Variants in LRRFIP2 observed in about 807,000 individuals in gnomAD.
LRRFIP2 encodes leucine-rich repeat flightless-interacting protein 2.
A neutral mutation model predicts 125.9 loss-of-function variants in LRRFIP2; 109 were observed. The ratio of observed to expected loss-of-function variants is 0.87; its 90% CI spans 0.74 to 1.01. The LOEUF (loss-of-function observed/expected upper bound fraction) is 1.01, where lower values mean the gene tolerates loss of function less well. LRRFIP2 is among the 50% of genes least tolerant of loss of function. The probability of loss-of-function intolerance (pLI) is 0.00; values close to 1 mark genes in which losing one functional copy is unlikely to be tolerated. For missense variants in LRRFIP2, 850 were observed against 862.3 expected (o/e 0.99, Z 0.18); for synonymous variants, 291 against 293.1 (o/e 0.99, Z 0.07).
At chr3:37,063,609 T>C in intron 24 of LRRFIP2, 133 bp downstream of exon 24, 1 of 720,942 alleles carries the variant, frequency 1.4e-6, no homozygotes, top group Non-Finnish European at 2.5e-6. Context: ...ATATGAATTA[T>C]CTATCCTTCA....
intron 21 of LRRFIP2, chr3:37,067,880 A>T (rs2090443472): frequency 6.6e-6 from 1 of 152,182 alleles, no homozygotes; most frequent in Admixed American, 6.6e-5. Context: ...CAAAGCCCTT[A>T]AATAGTTTTT....
intron 2 of LRRFIP2, among the ~76,000 whole-genome samples, chr3:37,139,088 T>C (rs1033830568): frequency 5.3e-5 from 8 of 152,236 alleles, no homozygotes; most frequent in Non-Finnish European, 4.4e-5. Context: ...GGATGATTTA[T>C]GTCCTGTGCA....
At chr3:37,091,334 G>T in intron 18 of LRRFIP2, 133 bp downstream of exon 18, 3 of 581,106 alleles carry the variant, frequency 5.2e-6, no homozygotes, top group East Asian at 6.0e-5. Flanking sequence ...ATGCACTGCA[G>T]GTTAAGCACA....
At chr3:37,117,086 T>C (rs1038557198) in intron 6 of LRRFIP2, among the ~76,000 whole-genome samples, 6 of 147,984 alleles carry the variant, frequency 4.1e-5, no homozygotes, top group African/African-American at 1.5e-4. Context: ...TGCTTCTCTA[T>C]AGAAATTTCT....
chr3:37,055,379 AACATGGTGAAACC>A, intron 25 of LRRFIP2, among the ~76,000 whole-genome samples: 1 of 152,316 alleles, frequency 6.6e-6, no homozygotes, highest in African/African-American at 2.4e-5. Flanking sequence ...CATCCTGGCC[AACATGGTGAAACC>A]CTGTCTCTAC....
chr3:37,088,729 C>T (rs1449595101), intron 18 of LRRFIP2, among the ~76,000 whole-genome samples: 3 of 151,904 alleles, frequency 2.0e-5, no homozygotes, highest in Non-Finnish European at 2.9e-5. Context: ...TCCAGGAGTT[C>T]AAGGTGGCAA....
intron 4 of LRRFIP2, among the ~76,000 whole-genome samples, chr3:37,124,869 C>G (rs879394594): frequency 6.6e-6 from 1 of 152,122 alleles, no homozygotes; most frequent in Non-Finnish European, 1.5e-5. Context: ...CAATAGGTTT[C>G]TCTTGAAGAA....
At chr3:37,080,475 C>G (rs1003000437) in intron 19 of LRRFIP2, among the ~76,000 whole-genome samples, 3 of 151,646 alleles carry the variant, frequency 2.0e-5, no homozygotes, top group South Asian at 2.1e-4. Context: ...AAAATCAGAA[C>G]ATCCCATTTT....
intron 4 of LRRFIP2, 42 bp from the exon 5 acceptor site, chr3:37,121,733 G>A (rs1408201649): frequency 1.4e-5 from 22 of 1,586,844 alleles, no homozygotes; most frequent in African/African-American, 2.7e-5. Flanking sequence ...TCACTGAATA[G>A]ACAGTTGTTT....
intron 13 of LRRFIP2, 147 bp downstream of exon 13, chr3:37,107,926 T>C (rs2094404407): frequency 5.7e-6 from 3 of 530,234 alleles, no homozygotes; most frequent in Non-Finnish European, 9.9e-6. Context: ...TAGGACAAAT[T>C]AGTGCTTGAG....
chr3:37,055,296 G>A (rs769527720), intron 25 of LRRFIP2, 131 bp from the exon 26 acceptor site: 55 of 538,982 alleles, frequency 1.0e-4, no homozygotes, highest in Non-Finnish European at 1.7e-4. Context: ...TGGGCGCGGT[G>A]ACTCACGCCT....
chr3:37,143,897 T>C (rs1457009714), intron 2 of LRRFIP2: 1 of 153,922 alleles, frequency 6.5e-6, no homozygotes, highest in Non-Finnish European at 1.4e-5. Flanking sequence ...ACTCTTGACA[T>C]GTACAAGGTA....
intron 4 of LRRFIP2, among the ~76,000 whole-genome samples, chr3:37,125,639 T>A (rs545007593): frequency 3.3e-5 from 5 of 152,350 alleles, no homozygotes; most frequent in Non-Finnish European, 7.3e-5. Context: ...CAGTATGCAC[T>A]CAAAGTTGGA....
chr3:37,145,614 T>C (rs188541008), intron 2 of LRRFIP2, among the ~76,000 whole-genome samples: 2 of 152,342 alleles, frequency 1.3e-5, no homozygotes, highest in East Asian at 3.9e-4. Flanking sequence ...CTGAACATCA[T>C]CTGTTTCCTC....
At chr3:37,066,565 T>G (rs1426527080) in intron 21 of LRRFIP2, 1 of 450,870 alleles carries the variant, frequency 2.2e-6, no homozygotes, top group Non-Finnish European at 4.1e-6. Flanking sequence ...AAAACATGTT[T>G]AATCACATCA....
chr3:37,099,405 T>C (rs1054199142), intron 15 of LRRFIP2, among the ~76,000 whole-genome samples: 2 of 152,208 alleles, frequency 1.3e-5, no homozygotes, highest in African/African-American at 4.8e-5. Flanking sequence ...GAATAAAATT[T>C]AATCATATTT....
intron 1 of LRRFIP2, chr3:37,154,516 G>C (rs984921650): frequency 6.6e-6 from 1 of 152,108 alleles, no homozygotes; most frequent in South Asian, 2.1e-4. Context: ...TCCTCAATTG[G>C]TAAGAACAAA....
At chr3:37,131,137 A>G (rs2095417236) in intron 2 of LRRFIP2, among the ~76,000 whole-genome samples, 1 of 152,074 alleles carries the variant, frequency 6.6e-6, no homozygotes, top group African/African-American at 2.4e-5. Context: ...CTTGGAATGT[A>G]TCTCCCATGG....
At chr3:37,153,831 T>C (rs1240244509) in intron 1 of LRRFIP2, among the ~76,000 whole-genome samples, 1 of 152,170 alleles carries the variant, frequency 6.6e-6, no homozygotes, top group East Asian at 1.9e-4. Flanking sequence ...GGTTTTTATA[T>C]GACTGATTGG....
Sources: gnomAD v4.1 joint callset for allele counts (sites outside exome capture counted in the v4.1 genomes callset) on GRCh38, gnomAD v4.1.1 for gene constraint, MANE v1.5 for transcripts, NCBI Gene and HGNC (gene_info 2026-07-23, HGNC 2026-07-21) for gene names.